Variants in IGSF21 observed in about 807,000 individuals in gnomAD.
IGSF21 encodes immunoglobulin superfamily member 21.
A neutral mutation model predicts 46.8 loss-of-function variants in IGSF21; 28 were observed. The ratio of observed to expected loss-of-function variants is 0.60; its 90% CI spans 0.44 to 0.82. The LOEUF (loss-of-function observed/expected upper bound fraction) is 0.82. IGSF21 is among the 40% of genes least tolerant of loss of function. The pLI, the probability that IGSF21 is intolerant of heterozygous loss-of-function variation, is 0.00. For synonymous variants in IGSF21, 284 were observed against 273.6 expected, an observed-to-expected ratio of 1.04 and a Z score of -0.38; for missense variants, 624 against 665.5, an observed-to-expected ratio of 0.94 and a Z score of 0.69.
chr1:18,284,524 C>G (rs2124559061), intron 2 of IGSF21, among the ~76,000 whole-genome samples: 1 of 152,332 alleles, frequency 6.6e-6, no homozygotes, highest in Middle Eastern at 3.4e-3. Context: ...TTGCAAGATG[C>G]TTTTACATAT....
At chr1:18,371,057 G>T (rs948715282) in intron 6 of IGSF21, among the ~76,000 whole-genome samples, 1 of 152,114 alleles carries the variant, frequency 6.6e-6, no homozygotes, top group African/African-American at 2.4e-5. Context: ...ATGACCCAAC[G>T]ATTTCACTCC....
At chr1:18,196,837 T>G (rs4920453) in intron 1 of IGSF21, among the ~76,000 whole-genome samples, 42,931 of 152,020 alleles carry the variant, frequency 0.28, 6,734 homozygotes, top group South Asian at 0.37. Context: ...AAGATGCTGT[T>G]TTCCCAGGAA....
chr1:18,375,352 G>C (rs1209626529), intron 6 of IGSF21, among the ~76,000 whole-genome samples: 3 of 151,802 alleles, frequency 2.0e-5, no homozygotes, highest in Non-Finnish European at 4.4e-5. Context: ...CTGGCGAGAA[G>C]GTCAGGAAAC....
In IGSF21 at chr1:18,365,235, C is replaced by A; in HGVS notation, c.553C>A (p.Arg185=). ...GKPAPMVYFK[R]DGEPIDAVPL... Reference sequence around the variant, plus strand: ...CTTACAATGGCAGGTTTATTTCAAACGAGATGGGGAACCAATCGACGCAGT... The same window carrying A: ...CTTACAATGGCAGGTTTATTTCAAAAGAGATGGGGAACCAATCGACGCAGT... The change falls in exon 6 of 10, where the codon CGA becomes AGA. Residue 185 remains arginine (R), a synonymous_variant. Coordinates refer to ENST00000251296, the MANE Select transcript of IGSF21 (RefSeq NM_032880.5). This position sits in a 1 kb window ranked among gnomAD's most constrained non-coding sequence, Gnocchi z 4.8. 6.3e-7 allele frequency: 1 copy of A among 1,598,666 alleles called. No individual in the cohort carries two copies. The highest frequency in any genetic ancestry group is 8.5e-7 in the Non-Finnish European group (1 of 1,170,710).
At chr1:18,230,480 C>A (rs1463373343) in intron 2 of IGSF21, among the ~76,000 whole-genome samples, 2 of 152,114 alleles carry the variant, frequency 1.3e-5, no homozygotes, top group Non-Finnish European at 2.9e-5. Context: ...CAGATGTATG[C>A]AAATCACATG....
intron 2 of IGSF21, among the ~76,000 whole-genome samples, chr1:18,275,043 C>CAA (rs1553159784): frequency 1.3e-5 from 2 of 151,892 alleles, no homozygotes; most frequent in Non-Finnish European, 2.9e-5. Flanking sequence ...AACAAACAAA[C>CAA]AAAAAAGAAG....
intron 2 of IGSF21, among the ~76,000 whole-genome samples, chr1:18,267,436 G>T (rs193140899): frequency 6.6e-6 from 1 of 152,224 alleles, no homozygotes; most frequent in East Asian, 1.9e-4. Context: ...TCTCTACCCT[G>T]CCCTGGCCTC....
chr1:18,171,704 C>G (rs536815283), intron 1 of IGSF21, among the ~76,000 whole-genome samples: 2 of 152,382 alleles, frequency 1.3e-5, no homozygotes, highest in East Asian at 1.9e-4. Context: ...ATTTCTGGCA[C>G]AAACTCCCTT....
At chr1:18,171,317 G>A (rs2086734326) in intron 1 of IGSF21, among the ~76,000 whole-genome samples, 1 of 152,150 alleles carries the variant, frequency 6.6e-6, no homozygotes, top group South Asian at 2.1e-4. Context: ...TCAGAGGGCT[G>A]GGGTCAGAGG....
chr1:18,148,690 T>C (rs1285439926), intron 1 of IGSF21, among the ~76,000 whole-genome samples: 1 of 152,118 alleles, frequency 6.6e-6, no homozygotes, highest in African/African-American at 2.4e-5. Flanking sequence ...AGGTGCACAG[T>C]AGATGTTTGT....
intron 1 of IGSF21, among the ~76,000 whole-genome samples, chr1:18,219,183 A>G (rs2084482371): frequency 6.6e-6 from 1 of 152,248 alleles, no homozygotes; most frequent in South Asian, 2.1e-4. Context: ...CAGGGTAATA[A>G]GTCAGAGAGT....
intron 1 of IGSF21, among the ~76,000 whole-genome samples, chr1:18,160,929 G>A (rs1406455663): frequency 1.3e-5 from 2 of 152,112 alleles, no homozygotes; most frequent in Non-Finnish European, 2.9e-5. Context: ...TGGCCTGCTC[G>A]AGATGGGAGG....
chr1:18,121,370 G>A (rs2086232105), intron 1 of IGSF21, among the ~76,000 whole-genome samples: 2 of 152,130 alleles, frequency 1.3e-5, no homozygotes. Flanking sequence ...AGTCCTCTTA[G>A]CTCCCAGCTA....
intron 2 of IGSF21, among the ~76,000 whole-genome samples, chr1:18,270,860 G>C (rs1231089591): frequency 6.6e-6 from 1 of 152,024 alleles, no homozygotes; most frequent in Non-Finnish European, 1.5e-5. Flanking sequence ...CCGCATGTGC[G>C]ATTTGACACA....
At chr1:18,131,207 G>C (rs532804494) in intron 1 of IGSF21, among the ~76,000 whole-genome samples, 1 of 152,184 alleles carries the variant, frequency 6.6e-6, no homozygotes, top group Non-Finnish European at 1.5e-5. Flanking sequence ...GCAGATTTTT[G>C]TTTTTTTCTT....
At chr1:18,315,386 G>A (rs2124588465) in intron 3 of IGSF21, among the ~76,000 whole-genome samples, 1 of 152,288 alleles carries the variant, frequency 6.6e-6, no homozygotes, top group East Asian at 1.9e-4. Context: ...ACATATTTAG[G>A]TGGTTAATTC....
chr1:18,298,782 A>T (rs899401345), intron 3 of IGSF21, among the ~76,000 whole-genome samples: 2 of 152,246 alleles, frequency 1.3e-5, no homozygotes, highest in Admixed American at 6.5e-5. Flanking sequence ...TACGGTGCAC[A>T]AAAGTGGCTA....
intron 3 of IGSF21, among the ~76,000 whole-genome samples, chr1:18,311,496 A>T (rs60164703): frequency 0.036 from 5,416 of 152,260 alleles, 316 homozygotes; most frequent in African/African-American, 0.12. Context: ...TGGTCTTTGA[A>T]ACCATGTGAA....
At chr1:18,378,213 T>C in intron 9 of IGSF21, 43 bp from the exon 10 acceptor site, 2 of 1,524,092 alleles carry the variant, frequency 1.3e-6, no homozygotes, top group South Asian at 1.1e-5. Context: ...TGGAACGGGG[T>C]TGGGTCTGCA....
Sources: gnomAD v4.1 joint callset for allele counts (sites outside exome capture counted in the v4.1 genomes callset) on GRCh38, gnomAD v4.1.1 for gene constraint, Gnocchi (gnomAD v3.1) non-coding constraint, MANE v1.5 for transcripts, NCBI Gene and HGNC (gene_info 2026-07-23, HGNC 2026-07-21) for gene names.